Variants in PRKAR1B observed in about 807,000 individuals in gnomAD.
The protein encoded by PRKAR1B is cAMP-dependent protein kinase type I-beta regulatory subunit.
PRKAR1B carries 22 observed loss-of-function variants against 46.5 expected under a neutral mutation model. That is an observed-to-expected ratio of 0.47 (90% CI 0.34 to 0.68). The LOEUF is 0.68. Ranked by LOEUF, PRKAR1B falls within the 30% of genes least tolerant of loss-of-function variation. The probability of loss-of-function intolerance (pLI) is 0.01; values close to 1 mark genes in which losing one functional copy is unlikely to be tolerated. For missense variants in PRKAR1B, 445 were observed against 535.6 expected (o/e 0.83, Z 1.67); for synonymous variants, 259 against 217.7 (o/e 1.19, Z -1.67).
chr7:680,730 T>G lies in PRKAR1B; in HGVS notation c.178-4A>C. On this transcript the variant is annotated splice_region_variant and splice_polypyrimidine_tract_variant and intron_variant, in intron 2 of 10. Transcript: ENST00000537384. ...CCAAAATCTGCCTGTTTTCTTCCTGTGTGGGAGAGGAAAACACAGAAAGGA... is the reference window on the plus strand; with the variant it reads ...CCAAAATCTGCCTGTTTTCTTCCTGGGTGGGAGAGGAAAACACAGAAAGGA... 1 of 1,613,884 alleles carries G rather than the reference T, an allele frequency of 6.2e-7. No individual in the cohort carries two copies.
At chr7:652,678 G>A (rs995409910) in intron 4 of PRKAR1B, among the ~76,000 whole-genome samples, 1 of 152,264 alleles carries the variant, frequency 6.6e-6, no homozygotes, top group African/African-American at 2.4e-5. Flanking sequence ...TGTGATGTGG[G>A]AGTGTCTCGT....
chr7:711,273 C>T (rs1173161087), intron 2 of PRKAR1B, 56 bp downstream of exon 2: 2 of 1,594,664 alleles, frequency 1.3e-6, no homozygotes, highest in Admixed American at 1.7e-5. Flanking sequence ...CCCCGGCTGC[C>T]GCCTCTGCCC....
chr7:644,252 G>A lies in PRKAR1B; in HGVS notation c.440+32977C>T, dbSNP rs1364885373. On this transcript the variant is annotated intron_variant, in intron 4 of 10. Transcript: ENST00000537384. The surrounding 1 kb of genome is among the most constrained non-coding windows in gnomAD (Gnocchi z 4.9). The stretch of plus-strand genomic sequence containing the variant: ...ATTATAGAATGACTCCCCTGTTCAA[G>A]GCATCGTTGAAATGTCCGTGATGCT... Among the ~76,000 whole-genome samples, 2 of 152,156 alleles carry A rather than the reference G, an allele frequency of 1.3e-5. No homozygotes were observed. Among genetic ancestry groups the A allele is most frequent in the East Asian group, 3.9e-4 (2 of 5,182 alleles).
In PRKAR1B at chr7:549,382, C is replaced by G. The variant is rs764007106; in HGVS notation, c.*1048G>C. ...GGGGAGGGGCTGCAACGAGCAGCCT[C>G]GGACCAAGGACAGCCTCCCCGGGAC... On this transcript the variant is annotated 3_prime_UTR_variant, in exon 11 of 11. Transcript: ENST00000537384. 3 of 152,196 alleles carry G rather than the reference C, an allele frequency of 2.0e-5. No individual in the cohort carries two copies. Among genetic ancestry groups the G allele is most frequent in the Non-Finnish European group, 4.4e-5 (3 of 68,076 alleles). 9.4% of individuals were successfully genotyped at this position (152,196 alleles called of 1,614,324 possible). A position where few individuals can be genotyped will look rare whatever the true frequency, so the allele number is the denominator to read the frequency against.
rs572487842 is a variant in PRKAR1B, at chr7:714,243, G to T, written c.-22-2716C>A. 6.6e-6 allele frequency among the ~76,000 whole-genome samples: 1 copy of T among 152,268 alleles called. No individual in the cohort carries two copies. Among genetic ancestry groups the T allele is most frequent in the East Asian group, 1.9e-4 (1 of 5,180 alleles). On this transcript the variant is annotated intron_variant, in intron 1 of 10. Coordinates refer to ENST00000537384, the MANE Select transcript of PRKAR1B (RefSeq NM_001164760.2). This position sits in a 1 kb window ranked among gnomAD's most constrained non-coding sequence, Gnocchi z 4.3. ...TCCCGGGCTGTCCTGGGGTTCTCTG[G>T]AGACTCCCTGTAAAGACTTCCCCCA...
At chr7:691,876 A>C in intron 2 of PRKAR1B, 5 of 1,148,152 alleles carry the variant, frequency 4.4e-6, no homozygotes, top group Non-Finnish European at 5.4e-6. Flanking sequence ...CCATCTCACA[A>C]TCTCTCAGAA....
chr7:727,312 C>A, upstream of PRKAR1B: 1 of 1,285,816 alleles, frequency 7.8e-7, no homozygotes, highest in South Asian at 2.3e-5. Flanking sequence ...GCAGGCCACG[C>A]CCGGTGAGCA....
chr7:624,287 G>T (rs1158159556), intron 4 of PRKAR1B, among the ~76,000 whole-genome samples: 3 of 152,184 alleles, frequency 2.0e-5, no homozygotes, highest in African/African-American at 7.2e-5. Context: ...ACAAACATTA[G>T]CCAGGCTTGG....
intron 9 of PRKAR1B, among the ~76,000 whole-genome samples, chr7:570,859 A>C (rs1348674614): frequency 3.3e-5 from 4 of 122,324 alleles, no homozygotes; most frequent in South Asian, 6.1e-4. Context: ...GGCCCCCACC[A>C]CCCTCCCTGC....
intron 9 of PRKAR1B, among the ~76,000 whole-genome samples, chr7:562,703 A>C (rs1239671214): frequency 6.6e-6 from 1 of 152,132 alleles, no homozygotes; most frequent in Non-Finnish European, 1.5e-5. Context: ...ACAGATCACA[A>C]CCAATCTGCC....
At chr7:727,066 C>T (rs1228436444) in intron 1 of PRKAR1B, 144 bp downstream of exon 1, 8 of 1,055,536 alleles carry the variant, frequency 7.6e-6, no homozygotes, top group Middle Eastern at 4.3e-4. Context: ...TGCCCTGCCG[C>T]GCCTGCTGCC....
chr7:632,568 G>A (rs749797731), intron 4 of PRKAR1B, among the ~76,000 whole-genome samples: 20 of 152,176 alleles, frequency 1.3e-4, no homozygotes, highest in Non-Finnish European at 2.6e-4. Context: ...CCCTTGTTCC[G>A]AGCACACTGG....
intron 4 of PRKAR1B, among the ~76,000 whole-genome samples, chr7:637,685 A>G (rs535879523): frequency 6.6e-6 from 1 of 151,976 alleles, no homozygotes; most frequent in South Asian, 2.1e-4. Flanking sequence ...AATACAAAAA[A>G]TTAGCCGGGT....
intron 4 of PRKAR1B, among the ~76,000 whole-genome samples, chr7:654,331 T>TCATCACC (rs1785075178): frequency 8.5e-6 from 1 of 118,146 alleles, no homozygotes; most frequent in Non-Finnish European, 1.8e-5. Flanking sequence ...TCCTCATCAC[T>TCATCACC]ATCCTCATCA....
rs139835263 is a variant in PRKAR1B, at chr7:605,668, C to T, written c.549+525G>A. Among the ~76,000 whole-genome samples the T allele has an allele frequency of 3.6e-3, 548 of 152,310 alleles. 2 individuals are homozygous for T. The highest frequency in any genetic ancestry group is 0.017 in the Middle Eastern group (5 of 294). ...CATCTCATAAAAGATGCTCTTGAGACAAGCGTGGGAAGATGACACAGTGAG... is the reference window on the plus strand; with the variant it reads ...CATCTCATAAAAGATGCTCTTGAGATAAGCGTGGGAAGATGACACAGTGAG... On this transcript the variant is annotated intron_variant, in intron 6 of 10. Coordinates refer to ENST00000537384, the MANE Select transcript of PRKAR1B (RefSeq NM_001164760.2).
chr7:583,801 T>G (rs1277944748), intron 8 of PRKAR1B, among the ~76,000 whole-genome samples: 1 of 116,432 alleles, frequency 8.6e-6, no homozygotes, highest in Non-Finnish European at 1.8e-5. Context: ...TGCACTCACA[T>G]GCACACTCAT....
chr7:651,181 A>G (rs1784885132), intron 4 of PRKAR1B, among the ~76,000 whole-genome samples: 1 of 152,216 alleles, frequency 6.6e-6, no homozygotes. Context: ...AGGACCCAGC[A>G]TACAGCCAGG....
At chr7:724,410 G>C (rs1370497086) in intron 1 of PRKAR1B, among the ~76,000 whole-genome samples, 1 of 152,122 alleles carries the variant, frequency 6.6e-6, no homozygotes, top group Non-Finnish European at 1.5e-5. Context: ...TTTTATAAGG[G>C]GGAGTTTCCC....
At chr7:568,759 T>C (rs946577024) in intron 9 of PRKAR1B, among the ~76,000 whole-genome samples, 2 of 152,212 alleles carry the variant, frequency 1.3e-5, no homozygotes, top group African/African-American at 4.8e-5. Context: ...GCAATAGTCT[T>C]TGCATGGTGC....
Sources: gnomAD v4.1 joint callset for allele counts (sites outside exome capture counted in the v4.1 genomes callset) on GRCh38, gnomAD v4.1.1 for gene constraint, Gnocchi (gnomAD v3.1) non-coding constraint, MANE v1.5 for transcripts, NCBI Gene and HGNC (gene_info 2026-07-23, HGNC 2026-07-21) for gene names.